The following SFTPD variants were observed in gnomAD, a reference collection of about 807,000 sequenced individuals.
SFTPD encodes surfactant protein D.
SFTPD carries 18 observed loss-of-function variants against 34.6 expected under a neutral mutation model. The observed-to-expected ratio is 0.52, with a 90% confidence interval of 0.36 to 0.77. The LOEUF (loss-of-function observed/expected upper bound fraction) is 0.77, where lower values mean the gene tolerates loss of function less well. SFTPD is among the 30% of genes least tolerant of loss of function. SFTPD has a pLI of 0.00. For missense variants in SFTPD, 433 were observed against 468.9 expected (o/e 0.92, Z 0.71); for synonymous variants, 155 against 180.9 (o/e 0.86, Z 1.15).
chr10:79,976,815 T>A (rs565948437), intron 1 of SFTPD, among the ~76,000 whole-genome samples: 1 of 152,276 alleles, frequency 6.6e-6, no homozygotes, highest in Non-Finnish European at 1.5e-5. Flanking sequence ...TTGAATTGTA[T>A]CTCCCAGAAT....
At position 79,946,481 on chromosome 10, in the gene SFTPD, C is replaced by A. The variant is rs768669170; in HGVS notation, c.179G>T (p.Arg60Leu). 2 of 1,613,988 alleles carry A rather than the reference C, an allele frequency of 1.2e-6. No homozygotes were observed. The highest frequency in any genetic ancestry group is 1.7e-6 in the Non-Finnish European group (2 of 1,179,902). Residue 60 changes from arginine (R) to leucine (L), a missense_variant, in exon 2 of 8, where the codon CGG (arginine) becomes CTG (leucine). Arg to Leu is a moderately radical substitution (Grantham distance 102). Transcript: ENST00000372292. The part of the protein sequence containing the change: ...RDGRDGREGP[R>L]GEKGDPGLPG... ...CCTACCTGGGTCCCCCTTCTCGCCC[C>A]GAGGGCCCTCTCTCCCATCCCGTCC...
intron 1 of SFTPD, among the ~76,000 whole-genome samples, chr10:79,963,251 G>A (rs1842785160): frequency 6.6e-6 from 1 of 151,848 alleles, no homozygotes; most frequent in South Asian, 2.1e-4. Flanking sequence ...GCTGAATCTG[G>A]GAGGCTGGAG....
chr10:79,944,576 AG>A (rs962293681), intron 2 of SFTPD, among the ~76,000 whole-genome samples: 2 of 152,144 alleles, frequency 1.3e-5, no homozygotes, highest in African/African-American at 2.4e-5. Flanking sequence ...TAGGGGTGGC[AG>A]CACCAAATTC....
At chr10:79,962,229 G>T (rs1842777650) in intron 1 of SFTPD, among the ~76,000 whole-genome samples, 1 of 150,556 alleles carries the variant, frequency 6.6e-6, no homozygotes, top group Non-Finnish European at 1.5e-5. Flanking sequence ...ACACCAACAT[G>T]GCACATGTAT....
intron 1 of SFTPD, among the ~76,000 whole-genome samples, chr10:79,963,313 C>A (rs1430305934): frequency 6.6e-6 from 1 of 150,766 alleles, no homozygotes; most frequent in Non-Finnish European, 1.5e-5. Flanking sequence ...ACCACCACTG[C>A]ACTCTAGCCT....
intron 2 of SFTPD, 62 bp downstream of exon 2, chr10:79,946,399 G>A (rs909247632): frequency 1.6e-6 from 2 of 1,247,816 alleles, no homozygotes; most frequent in South Asian, 1.2e-5. Flanking sequence ...AGAGTTGCTG[G>A]GCTAGTTACA....
intron 3 of SFTPD, 55 bp downstream of exon 3, chr10:79,942,708 C>T (rs113609248): frequency 5.6e-6 from 7 of 1,256,672 alleles, no homozygotes; most frequent in African/African-American, 4.4e-5. Context: ...ACTGGCATAT[C>T]CTTGCAGCTG....
intron 1 of SFTPD, among the ~76,000 whole-genome samples, chr10:79,961,227 T>C (rs1842770625): frequency 6.6e-6 from 1 of 152,196 alleles, no homozygotes; most frequent in Non-Finnish European, 1.5e-5. Context: ...ATTCAGGACA[T>C]AGGCTTGGGC....
At chr10:79,967,366 G>A (rs1303417684) in intron 1 of SFTPD, among the ~76,000 whole-genome samples, 1 of 103,530 alleles carries the variant, frequency 9.7e-6, no homozygotes, top group Non-Finnish European at 1.8e-5. Flanking sequence ...TCGTGAAAAT[G>A]GCCATACTGC....
In SFTPD at chr10:79,960,827, T is replaced by C. The variant is rs7342005; in HGVS notation, c.37-14165A>G. ...GTTCATATGGAACCAAAAAAGAGGCTGCATTGCCAAGTCAACCCTAAGCCA... is the reference window on the plus strand; with the variant it reads ...GTTCATATGGAACCAAAAAAGAGGCCGCATTGCCAAGTCAACCCTAAGCCA... On this transcript the variant is annotated intron_variant, in intron 1 of 5. Transcript: ENST00000444384. Among the ~76,000 whole-genome samples the C allele has an allele frequency of 5.9e-5, 9 of 152,284 alleles. No individual in the cohort carries two copies. In the East Asian group the frequency reaches 1.7e-3, roughly 29 times the overall value.
upstream of SFTPD, among the ~76,000 whole-genome samples, chr10:79,954,020 AGTTTTT>A (rs537462099): frequency 4.6e-3 from 680 of 146,564 alleles, 7 homozygotes; most frequent in African/African-American, 0.014. Flanking sequence ...TTTTTTATAT[AGTTTTT>A]ATTTCTTTGT....
At chr10:79,975,072 C>T (rs1432136107) in intron 1 of SFTPD, among the ~76,000 whole-genome samples, 1 of 152,156 alleles carries the variant, frequency 6.6e-6, no homozygotes, top group Non-Finnish European at 1.5e-5. Context: ...TGTATTCCAA[C>T]AGGGAATCAC....
intron 2 of SFTPD, among the ~76,000 whole-genome samples, chr10:79,945,728 TATC>T (rs1842658011): frequency 6.6e-6 from 1 of 152,326 alleles, no homozygotes; most frequent in African/African-American, 2.4e-5. Flanking sequence ...GGGTGGTAGA[TATC>T]ATTCCCATTA....
chr10:79,965,533 A>C (rs867053806), intron 1 of SFTPD, among the ~76,000 whole-genome samples: 35 of 27,090 alleles, frequency 1.3e-3, no homozygotes, highest in Middle Eastern at 0.02. Context: ...ATTTCATTTT[A>C]TTTTTCTTTT....
intron 1 of SFTPD, among the ~76,000 whole-genome samples, chr10:79,963,840 A>G (rs957639593): frequency 2.6e-5 from 4 of 152,200 alleles, no homozygotes; most frequent in African/African-American, 7.2e-5. Context: ...TGCAAAGGAC[A>G]TGATTTCATT....
intron 1 of SFTPD, among the ~76,000 whole-genome samples, chr10:79,960,483 C>T (rs1842765750): frequency 6.7e-6 from 1 of 148,454 alleles, no homozygotes; most frequent in Non-Finnish European, 1.5e-5. Context: ...AAATCACAAG[C>T]ATTCTTATAC....
chr10:79,940,401 C>T (rs936869507), intron 7 of SFTPD, among the ~76,000 whole-genome samples: 1 of 152,204 alleles, frequency 6.6e-6, no homozygotes, highest in African/African-American at 2.4e-5. Context: ...AACTATGCTA[C>T]TGCCAGCCTG....
At chr10:79,969,435 C>T (rs572661323) in intron 1 of SFTPD, 1 of 151,354 alleles carries the variant, frequency 6.6e-6, no homozygotes, top group South Asian at 2.1e-4. Context: ...GATTGCATCA[C>T]TGCACCCCAG....
At chr10:79,942,279 A>T (rs1842621039) in intron 4 of SFTPD, 109 bp downstream of exon 4, 1 of 806,626 alleles carries the variant, frequency 1.2e-6, no homozygotes, top group East Asian at 2.5e-5. Flanking sequence ...CCTTTGCAGC[A>T]TCAAGGGTCT....
Sources: allele counts gnomAD v4.1 joint callset (sites outside exome capture counted in the v4.1 genomes callset), GRCh38; gene constraint gnomAD v4.1.1; transcripts MANE v1.5; gene names NCBI Gene and HGNC (gene_info 2026-07-23, HGNC 2026-07-21).